Variants in RBFOX1 observed in about 807,000 individuals in gnomAD.
The protein encoded by RBFOX1 is RNA binding fox-1 homolog 1.
Under a neutral mutation model 57.7 loss-of-function variants are expected in RBFOX1, and 8 were observed. That is an observed-to-expected ratio of 0.14 (90% CI 0.08 to 0.25). The LOEUF is 0.25. Ranked by LOEUF, RBFOX1 falls within the 10% of genes least tolerant of loss-of-function variation. RBFOX1 has a pLI of 1.00. For missense variants in RBFOX1, 611 were observed against 548.5 expected, an observed-to-expected ratio of 1.11 and a Z score of -1.14; for synonymous variants, 326 against 222.4, an observed-to-expected ratio of 1.47 and a Z score of -4.15.
At chr16:7,695,607 G>A (rs1032639872) in intron 14 of RBFOX1, among the ~76,000 whole-genome samples, 37 of 144,946 alleles carry the variant, frequency 2.6e-4, no homozygotes, top group African/African-American at 9.5e-4. Context: ...AGCAGAGACT[G>A]CGCCACTGCA....
intron 3 of RBFOX1, among the ~76,000 whole-genome samples, chr16:6,881,208 A>G (rs1342770154): frequency 3.3e-5 from 5 of 152,214 alleles, no homozygotes; most frequent in African/African-American, 4.8e-5. Flanking sequence ...GGCAAGGAGA[A>G]TAGCCAGGAG....
At chr16:6,417,411 A>AG (rs2093653406) in intron 2 of RBFOX1, among the ~76,000 whole-genome samples, 2 of 119,400 alleles carry the variant, frequency 1.7e-5, no homozygotes, top group Non-Finnish European at 3.5e-5. Flanking sequence ...AAATGTGTTT[A>AG]CTTTTTTTTT....
chr16:6,814,554 G>A (rs1382274305), intron 3 of RBFOX1, among the ~76,000 whole-genome samples: 5 of 152,126 alleles, frequency 3.3e-5, no homozygotes, highest in Admixed American at 1.3e-4. Flanking sequence ...GCTGTGAAGG[G>A]AAGTTACACT....
chr16:5,708,523 T>G (rs1246525953), intron 3 of RBFOX1, among the ~76,000 whole-genome samples: 1 of 152,204 alleles, frequency 6.6e-6, no homozygotes, highest in African/African-American at 2.4e-5. Context: ...ATCTCTTTGA[T>G]TTTTTGCGTA....
At chr16:5,876,044 C>G (rs1433353324) in intron 4 of RBFOX1, among the ~76,000 whole-genome samples, 1 of 152,038 alleles carries the variant, frequency 6.6e-6, no homozygotes, top group Admixed American at 6.6e-5. Context: ...GGGGTTTCGC[C>G]GTGTTAGCCA....
intron 9 of RBFOX1, among the ~76,000 whole-genome samples, chr16:7,599,283 A>G (rs1317635885): frequency 1.3e-5 from 2 of 152,244 alleles, no homozygotes; most frequent in Non-Finnish European, 2.9e-5. Context: ...ATGAAGTTGC[A>G]CTGGTGCCCA....
At chr16:7,324,064 G>A (rs1247648021) in intron 4 of RBFOX1, among the ~76,000 whole-genome samples, 1 of 152,092 alleles carries the variant, frequency 6.6e-6, no homozygotes, top group Non-Finnish European at 1.5e-5. Flanking sequence ...GGACTTCTCA[G>A]GTGCTTTTAT....
At chr16:7,249,643 A>C (rs887931863) in intron 4 of RBFOX1, among the ~76,000 whole-genome samples, 10 of 151,628 alleles carry the variant, frequency 6.6e-5, no homozygotes, top group African/African-American at 2.4e-4. Context: ...AGGGCTGAAG[A>C]ATAAAATCAT....
intron 3 of RBFOX1, among the ~76,000 whole-genome samples, chr16:6,786,223 G>A (rs1386223509): frequency 1.3e-5 from 2 of 152,156 alleles, no homozygotes; most frequent in African/African-American, 2.4e-5. Context: ...TGTCAGAAGA[G>A]GGTCAGAACT....
chr16:5,360,628 T>C (rs1471984728), intron 1 of RBFOX1, among the ~76,000 whole-genome samples: 1 of 152,164 alleles, frequency 6.6e-6, no homozygotes, highest in South Asian at 2.1e-4. Flanking sequence ...TTAGAGTCTT[T>C]GGTTGCAAGC....
chr16:6,062,341 C>G (rs1324357017), intron 1 of RBFOX1, among the ~76,000 whole-genome samples: 1 of 151,970 alleles, frequency 6.6e-6, no homozygotes, highest in Non-Finnish European at 1.5e-5. Flanking sequence ...AATTCCTACC[C>G]TCTAACTAGA....
intron 3 of RBFOX1, among the ~76,000 whole-genome samples, chr16:6,747,445 A>AGTCAGTCT (rs1555766674): frequency 1.2e-5 from 1 of 83,288 alleles, no homozygotes; most frequent in Admixed American, 1.1e-4. Flanking sequence ...TCAGTCAGTT[A>AGTCAGTCT]GTCTGTCTGT....
At chr16:5,358,887 C>A (rs2065465394) in intron 1 of RBFOX1, among the ~76,000 whole-genome samples, 1 of 152,282 alleles carries the variant, frequency 6.6e-6, no homozygotes, top group East Asian at 1.9e-4. Flanking sequence ...ATTGTGTTAT[C>A]AAATACTGCA....
At chr16:7,126,870 G>A (rs1042764600) in intron 4 of RBFOX1, among the ~76,000 whole-genome samples, 6 of 151,918 alleles carry the variant, frequency 3.9e-5, no homozygotes, top group Admixed American at 2.0e-4. Context: ...TGAGCTGGAT[G>A]TGGTGGCAGG....
intron 3 of RBFOX1, among the ~76,000 whole-genome samples, chr16:6,774,859 C>A (rs2079043548): frequency 1.3e-5 from 2 of 152,004 alleles, no homozygotes. Flanking sequence ...GTGATTAGTG[C>A]AACTGAGGGG....
In RBFOX1 at chr16:6,855,456, C is replaced by A. The variant is rs143180690; in HGVS notation, c.-15-196601C>A. Among the ~76,000 whole-genome samples the A allele has an allele frequency of 3.7e-3, 566 of 152,064 alleles. 4 individuals are homozygous for A. Among genetic ancestry groups the A allele is most frequent in the African/African-American group, 0.013 (535 of 41,482 alleles). On this transcript the variant is annotated intron_variant, in intron 3 of 15. Coordinates refer to ENST00000550418, the MANE Select transcript of RBFOX1 (RefSeq NM_018723.4). ...CATGAGGTCAGGAGATCGAGACCAT[C>A]CTGGCTAACACAGTGAAACCCCGTC... is the stretch of plus-strand genomic sequence containing the variant.
At chr16:7,682,328 C>G (rs941590123) in intron 14 of RBFOX1, among the ~76,000 whole-genome samples, 5 of 151,972 alleles carry the variant, frequency 3.3e-5, no homozygotes, top group African/African-American at 1.2e-4. Context: ...ATGGTATTCT[C>G]AGATCAACAA....
intron 1 of RBFOX1, among the ~76,000 whole-genome samples, chr16:5,391,457 T>G (rs1284163611): frequency 6.6e-6 from 1 of 152,134 alleles, no homozygotes; most frequent in African/African-American, 2.4e-5. Context: ...ACACTCCACA[T>G]GTAAGGTCCC....
intron 3 of RBFOX1, among the ~76,000 whole-genome samples, chr16:6,936,883 C>A (rs1035806032): frequency 2.1e-5 from 3 of 140,886 alleles, no homozygotes; most frequent in Admixed American, 7.9e-5. Context: ...TTTTAAGATC[C>A]ATCAGCCAGA....
Sources: gnomAD v4.1 joint callset for allele counts (sites outside exome capture counted in the v4.1 genomes callset) on GRCh38, gnomAD v4.1.1 for gene constraint, MANE v1.5 for transcripts, NCBI Gene and HGNC (gene_info 2026-07-23, HGNC 2026-07-21) for gene names.